LRRC4C: variants seen among roughly 807,000 people sequenced by gnomAD.
LRRC4C encodes leucine rich repeat containing 4C, also known as leucine-rich repeat-containing protein 4C.
In LRRC4C, 5 loss-of-function variants were observed where a neutral mutation model predicts 33.6. The ratio of observed to expected loss-of-function variants is 0.15; its 90% confidence interval spans 0.08 to 0.31. The LOEUF is 0.31. Among genes scored for constraint, LRRC4C ranks in the 10% least tolerant of loss-of-function variants. The pLI is 1.00. For synonymous variants in LRRC4C, 329 were observed against 302.0 expected (o/e 1.09, Z -0.93); for missense variants, 560 against 796.7 (o/e 0.70, Z 3.58).
intron 1 of LRRC4C, among the ~76,000 whole-genome samples, chr11:40,950,036 C>A (rs1416877364): frequency 1.3e-5 from 2 of 151,616 alleles, no homozygotes; most frequent in Non-Finnish European, 1.5e-5. Context: ...TTTTTCATGG[C>A]TAAAATGATA....
intron 1 of LRRC4C, among the ~76,000 whole-genome samples, chr11:41,019,097 A>G (rs778984463): frequency 6.6e-6 from 1 of 152,056 alleles, no homozygotes; most frequent in Non-Finnish European, 1.5e-5. Flanking sequence ...CAGAATGTGC[A>G]GGTTTGTTAC....
At chr11:40,887,065 G>A (rs913048515) in intron 2 of LRRC4C, among the ~76,000 whole-genome samples, 3 of 150,874 alleles carry the variant, frequency 2.0e-5, no homozygotes, top group Admixed American at 6.6e-5. Flanking sequence ...AGGGTACCAA[G>A]TCTTTACTTA....
chr11:40,915,979 A>C (rs1335235520), intron 2 of LRRC4C, among the ~76,000 whole-genome samples: 1 of 152,214 alleles, frequency 6.6e-6, no homozygotes, highest in East Asian at 1.9e-4. Context: ...GAGAAATGCA[A>C]ATCAAAACCA....
intron 1 of LRRC4C, among the ~76,000 whole-genome samples, chr11:41,307,673 G>T (rs916510555): frequency 6.6e-6 from 1 of 152,102 alleles, no homozygotes. Context: ...GTCTGGGAGG[G>T]GAGCCACCCT....
chr11:40,298,205 T>C (rs1409811812), intron 4 of LRRC4C, among the ~76,000 whole-genome samples: 2 of 152,172 alleles, frequency 1.3e-5, no homozygotes, highest in Non-Finnish European at 2.9e-5. Flanking sequence ...CCAAATAAGA[T>C]GATTTCAGCA....
intron 2 of LRRC4C, among the ~76,000 whole-genome samples, chr11:40,695,718 C>T (rs1319362125): frequency 1.3e-5 from 2 of 151,954 alleles, no homozygotes; most frequent in African/African-American, 4.8e-5. Flanking sequence ...AGCTCCCTTC[C>T]ATCTTCAAAG....
chr11:40,454,815 G>A (rs1192200644), intron 3 of LRRC4C, among the ~76,000 whole-genome samples: 1 of 152,062 alleles, frequency 6.6e-6, no homozygotes, highest in Admixed American at 6.6e-5. Flanking sequence ...TAAAAGACAA[G>A]GCTTCAGGTG....
intron 1 of LRRC4C, among the ~76,000 whole-genome samples, chr11:41,419,176 T>C (rs1302131907): frequency 1.3e-5 from 2 of 151,896 alleles, no homozygotes; most frequent in Admixed American, 1.3e-4. Flanking sequence ...TTGACTATAT[T>C]TGTAACTAAG....
chr11:40,576,146 A>C (rs987663955), intron 3 of LRRC4C, among the ~76,000 whole-genome samples: 2 of 152,202 alleles, frequency 1.3e-5, no homozygotes, highest in African/African-American at 4.8e-5. Flanking sequence ...GTAAGCCACG[A>C]CAAAGGTCTG....
intron 1 of LRRC4C, among the ~76,000 whole-genome samples, chr11:41,286,109 G>A (rs529504732): frequency 2.0e-5 from 3 of 152,238 alleles, no homozygotes; most frequent in South Asian, 2.1e-4. Flanking sequence ...GATTACAGGC[G>A]TGAGCCACCA....
chr11:41,364,695 T>C (rs895225725), intron 1 of LRRC4C, among the ~76,000 whole-genome samples: 1 of 152,244 alleles, frequency 6.6e-6, no homozygotes. Context: ...TGCTTGTTTT[T>C]ACTTCGACTT....
intron 1 of LRRC4C, among the ~76,000 whole-genome samples, chr11:41,149,334 C>T (rs966029202): frequency 1.1e-4 from 17 of 151,754 alleles, no homozygotes; most frequent in African/African-American, 4.1e-4. Flanking sequence ...GGTGAAACCC[C>T]GTCTCTACTA....
At chr11:40,996,097 T>G (rs1057298057) in intron 1 of LRRC4C, among the ~76,000 whole-genome samples, 2 of 152,146 alleles carry the variant, frequency 1.3e-5, no homozygotes, top group Non-Finnish European at 2.9e-5. Flanking sequence ...TCTGAAGTAT[T>G]CTTTGAAAAT....
intron 2 of LRRC4C, among the ~76,000 whole-genome samples, chr11:40,774,456 C>T (rs1233470564): frequency 6.6e-6 from 1 of 152,106 alleles, no homozygotes; most frequent in Admixed American, 6.5e-5. Context: ...ATAAATTAAT[C>T]TGGAGCTATT....
chr11:41,073,330 G>A (rs1276519508), intron 1 of LRRC4C, among the ~76,000 whole-genome samples: 1 of 141,084 alleles, frequency 7.1e-6, no homozygotes, highest in Non-Finnish European at 1.6e-5. Context: ...GGGAAAGTGA[G>A]GGGTTTTTTT....
At chr11:40,985,369 G>C (rs1852924844) in intron 1 of LRRC4C, among the ~76,000 whole-genome samples, 1 of 141,686 alleles carries the variant, frequency 7.1e-6, no homozygotes, top group African/African-American at 2.5e-5. Context: ...CAGTTAATAG[G>C]GGGGGAAAAG....
intron 1 of LRRC4C, among the ~76,000 whole-genome samples, chr11:40,955,462 A>G (rs1240877561): frequency 6.6e-6 from 1 of 151,628 alleles, no homozygotes; most frequent in African/African-American, 2.4e-5. Context: ...GAAATAAAAA[A>G]CCCTATTTTT....
At chr11:41,185,778 A>G (rs72892669) in intron 1 of LRRC4C, among the ~76,000 whole-genome samples, 13,483 of 152,230 alleles carry the variant, frequency 0.089, 798 homozygotes, top group Non-Finnish European at 0.13. Flanking sequence ...TACTTTTAAA[A>G]TATTTCTAAA....
chr11:40,789,579 T>G (rs1160827672), intron 2 of LRRC4C, among the ~76,000 whole-genome samples: 1 of 150,274 alleles, frequency 6.7e-6, no homozygotes, highest in Non-Finnish European at 1.5e-5. Context: ...CTTCTATACT[T>G]CAGATATATT....
Sources: gnomAD v4.1 joint callset for allele counts (sites outside exome capture counted in the v4.1 genomes callset) on GRCh38, gnomAD v4.1.1 for gene constraint, MANE v1.5 for transcripts, NCBI Gene and HGNC (gene_info 2026-07-23, HGNC 2026-07-21) for gene names.